COPE: variants seen among roughly 807,000 people sequenced by gnomAD.
The protein encoded by COPE is coatomer subunit epsilon.
COPE carries 19 observed loss-of-function variants against 42.1 expected under a neutral mutation model. The ratio of observed to expected loss-of-function variants is 0.45; its 90% CI spans 0.31 to 0.66. The LOEUF is 0.66. COPE is among the 30% of genes least tolerant of loss of function. COPE has a pLI of 0.05. For synonymous variants in COPE, 195 were observed against 181.3 expected (o/e 1.08, Z -0.60); for missense variants, 402 against 416.1 (o/e 0.97, Z 0.30).
At chr19:18,904,399 GGAACACTGAACTCC>G (rs2056739020) in intron 6 of COPE, among the ~76,000 whole-genome samples, 1 of 152,212 alleles carries the variant, frequency 6.6e-6, no homozygotes, top group South Asian at 2.1e-4. Flanking sequence ...CGCTGCTATG[GGAACACTGAACTCC>G]GTCCCTGGCT....
At chr19:18,906,609 G>C (rs1281263379) in intron 4 of COPE, 1 of 207,524 alleles carries the variant, frequency 4.8e-6, no homozygotes, top group African/African-American at 2.3e-5. Flanking sequence ...GGCCGGTATG[G>C]GGGGCCCGGG....
intron 7 of COPE, 113 bp from the exon 8 acceptor site, chr19:18,900,562 T>C (rs2146095956): frequency 1.3e-6 from 1 of 763,668 alleles, no homozygotes; most frequent in East Asian, 2.8e-5. Context: ...AGAGGTGGGG[T>C]GGGACTGACA....
At chr19:18,908,966 C>T (rs887603503) in intron 3 of COPE, among the ~76,000 whole-genome samples, 3 of 152,102 alleles carry the variant, frequency 2.0e-5, no homozygotes, top group Admixed American at 2.0e-4. Context: ...CCACTGTATG[C>T]CAGGCTGAAC....
In COPE at chr19:18,919,340, A is replaced by T. The variant is rs1215818026; in HGVS notation, c.9T>A (p.Pro3=). The T allele has an allele frequency of 1.2e-6, 2 of 1,613,660 alleles. No individual in the cohort carries two copies. The highest frequency in any genetic ancestry group is 1.7e-6 in the Non-Finnish European group (2 of 1,179,986). ...CGCCGGAGGCCGGGCCGGGGGCCGG[A>T]GGCGCCATTTCGCTGTCTTCTCACC... is the stretch of plus-strand genomic sequence containing the variant. MA[P]PAPGPASGGS... is the part of the protein sequence containing the mutation. The change falls in exon 1 of 10, where the codon CCT becomes CCA. Residue 3 remains proline (P), a synonymous_variant. Transcript: ENST00000262812.
intron 3 of COPE, among the ~76,000 whole-genome samples, chr19:18,909,049 C>G (rs999104369): frequency 6.6e-6 from 1 of 152,204 alleles, no homozygotes; most frequent in African/African-American, 2.4e-5. Flanking sequence ...CTCCTTGTCC[C>G]CGGGGCGTCC....
chr19:18,919,068 G>A (rs936452146), intron 1 of COPE, among the ~76,000 whole-genome samples, 155 bp downstream of exon 1: 1 of 152,246 alleles, frequency 6.6e-6, no homozygotes, highest in Non-Finnish European at 1.5e-5. Context: ...TTCTGTCACG[G>A]GACAGTGACT....
chr19:18,905,588 A>G lies in COPE; in HGVS notation c.485T>C (p.Leu162Pro), dbSNP rs200156553. ...CAGGAGGGCTCACCGGGCGAGGTCC[A>G]GGCGGTCCAGCTTCAGCAGGATCTG... ...TVQILLKLDR[L>P]DLARKELKRM... The change falls in exon 5 of 10, where the codon CTG (leucine) becomes CCG (proline). Residue 162 changes from leucine to proline, a missense_variant. Physicochemically the swap from Leu to Pro is moderately conservative, Grantham distance 98. Transcript: ENST00000262812. 2.0e-4 allele frequency: 313 copies of G among 1,592,596 alleles called. No individual in the cohort carries two copies. The highest frequency in any genetic ancestry group is 2.4e-4 in the Non-Finnish European group (281 of 1,177,246).
chr19:18,907,345 G>A lies in COPE; in HGVS notation c.291-233C>T, dbSNP rs568701575. ...GAGGCCGGGAGATGTGGGGTGGGGCGCTCCAAGGGGACATGAGGAGGCACC... is the reference window on the plus strand; with the variant it reads ...GAGGCCGGGAGATGTGGGGTGGGGCACTCCAAGGGGACATGAGGAGGCACC... On this transcript the variant is annotated intron_variant, in intron 3 of 9. Coordinates refer to ENST00000262812, the MANE Select transcript of COPE (RefSeq NM_007263.4). Among the ~76,000 whole-genome samples, 9 of 152,252 alleles carry A rather than the reference G, an allele frequency of 5.9e-5. No homozygotes were observed. The South Asian group carries it at 6.2e-4, about 11-fold the overall frequency.
At chr19:18,905,299 A>G (rs1468460) in intron 5 of COPE, among the ~76,000 whole-genome samples, 90,388 of 151,974 alleles carry the variant, frequency 0.59, 28,556 homozygotes, top group African/African-American at 0.79. Context: ...ATGTTGCTCC[A>G]GGCACAACCT....
At chr19:18,907,220 TG>T in intron 3 of COPE, 108 bp from the exon 4 acceptor site, 1 of 1,243,396 alleles carries the variant, frequency 8.0e-7, no homozygotes, top group Non-Finnish European at 1.1e-6. Flanking sequence ...AGCCAGGCCC[TG>T]GGGGTGCAGA....
chr19:18,905,513 G>T, intron 5 of COPE, 63 bp downstream of exon 5: 1 of 1,486,662 alleles, frequency 6.7e-7, no homozygotes, highest in Non-Finnish European at 9.1e-7. Context: ...GGGCTGTGAC[G>T]CTCTGGGCTG....
rs1286394625 is a variant in COPE, at chr19:18,899,897, G to A, written c.855C>T (p.Pro285=). Reference sequence around the variant, plus strand: ...CCTTGGCCTGGTACTCCTTGATGAAGGGATGGGACCTGTGGGCATCCTTCA... The same window carrying A: ...CCTTGGCCTGGTACTCCTTGATGAAAGGATGGGACCTGTGGGCATCCTTCA... ...SQLKDAHRSH[P]FIKEYQAKEN... The change falls in exon 9 of 10, where the codon CCC becomes CCT. Residue 285 remains proline (P), a synonymous_variant. Coordinates refer to ENST00000262812, the MANE Select transcript of COPE (RefSeq NM_007263.4). 1 of 1,613,570 alleles carries A rather than the reference G, an allele frequency of 6.2e-7. No individual in the cohort carries two copies. The highest frequency in any genetic ancestry group is 8.5e-7 in the Non-Finnish European group (1 of 1,179,844).
chr19:18,918,743 A>G (rs1051115850), intron 1 of COPE, among the ~76,000 whole-genome samples: 1 of 152,172 alleles, frequency 6.6e-6, no homozygotes, highest in Non-Finnish European at 1.5e-5. Context: ...TGTGTTTATC[A>G]TTCTGAGTCC....
chr19:18,899,994 C>G (rs766564238), intron 8 of COPE, 47 bp from the exon 9 acceptor site: 4 of 1,560,740 alleles, frequency 2.6e-6, no homozygotes, highest in Non-Finnish European at 3.5e-6. Flanking sequence ...GGGGACCCCA[C>G]GGTGGCTCTG....
At chr19:18,906,753 T>G in intron 4 of COPE, 1 of 548,730 alleles carries the variant, frequency 1.8e-6, no homozygotes, top group Non-Finnish European at 3.1e-6. Flanking sequence ...GGGCACCGTG[T>G]CCTTGGATCT....
intron 5 of COPE, 91 bp downstream of exon 5, chr19:18,905,485 C>T: frequency 7.8e-7 from 1 of 1,287,750 alleles, no homozygotes; most frequent in Admixed American, 2.6e-5. Context: ...AGAGTAATGA[C>T]AGCACCACAG....
intron 2 of COPE, among the ~76,000 whole-genome samples, chr19:18,912,094 G>A (rs1000646321): frequency 8.6e-5 from 13 of 151,558 alleles, no homozygotes; most frequent in South Asian, 2.1e-4. Context: ...TGATCTGCCC[G>A]CCTTGGCCTC....
chr19:18,902,777 G>GAAA (rs1471745323), intron 7 of COPE, among the ~76,000 whole-genome samples: 1 of 9,102 alleles, frequency 1.1e-4, no homozygotes, highest in Admixed American at 1.6e-3. Context: ...GGGAAAGAAG[G>GAAA]AAGGAAGGAA....
intron 3 of COPE, chr19:18,910,484 C>G (rs2056799209): frequency 6.1e-6 from 1 of 165,046 alleles, no homozygotes; most frequent in South Asian, 1.5e-4. Context: ...ACTCAGGAGG[C>G]TGAGGCACAA....
Sources: gnomAD v4.1 joint callset for allele counts (sites outside exome capture counted in the v4.1 genomes callset) on GRCh38, gnomAD v4.1.1 for gene constraint, MANE v1.5 for transcripts, NCBI Gene and HGNC (gene_info 2026-07-23, HGNC 2026-07-21) for gene names.